The following HLTF variants were observed in gnomAD, a reference collection of about 807,000 sequenced individuals.
HLTF encodes the protein helicase like transcription factor.
A neutral mutation model predicts 129.4 loss-of-function variants in HLTF; 127 were observed. The ratio of observed to expected loss-of-function variants is 0.98; its 90% CI spans 0.85 to 1.14. HLTF has a LOEUF of 1.14. HLTF is among the 50% of genes most tolerant of loss of function. The probability of loss-of-function intolerance (pLI) is 0.00; values close to 1 mark genes in which losing one functional copy is unlikely to be tolerated. For missense variants in HLTF, 1,139 were observed against 1,187.1 expected (o/e 0.96, Z 0.60); for synonymous variants, 332 against 388.8 (o/e 0.85, Z 1.72).
intron 2 of HLTF, among the ~76,000 whole-genome samples, chr3:149,079,452 T>TA (rs1179321941): frequency 8.4e-6 from 1 of 118,884 alleles, no homozygotes; most frequent in Admixed American, 8.6e-5. Context: ...TAATTTTTTG[T>TA]AATTTTTGTC....
chr3:149,059,734 C>CT lies in HLTF; in HGVS notation c.1358dup (p.Lys454GlufsTer17). ...TTTACTGACCCTTTTTCAACATTTT[C>CT]TTTTTTGTTGTAGGAACAGATGAAG... On this transcript the variant is annotated frameshift_variant, in exon 13 of 25. Transcript: ENST00000310053. LOFTEE classifies it high-confidence loss of function. 1.3e-6 allele frequency: 2 copies of CT among 1,591,768 alleles called. No homozygotes were observed. The highest frequency in any genetic ancestry group is 8.5e-7 in the Non-Finnish European group (1 of 1,169,882).
intron 12 of HLTF, among the ~76,000 whole-genome samples, chr3:149,060,144 C>T (rs1332253816): frequency 6.6e-6 from 1 of 152,058 alleles, no homozygotes; most frequent in Non-Finnish European, 1.5e-5. Context: ...GCCAAATTTT[C>T]AGATCAGTCA....
intron 18 of HLTF, 49 bp from the exon 19 acceptor site, chr3:149,042,339 C>T (rs1245261813): frequency 6.8e-7 from 1 of 1,476,514 alleles, no homozygotes; most frequent in Non-Finnish European, 9.3e-7. Context: ...ACAATAATAA[C>T]TTCCTATTCT....
intron 11 of HLTF, 24 bp downstream of exon 11, chr3:149,060,755 C>G (rs1717866891): frequency 1.9e-6 from 3 of 1,606,172 alleles, no homozygotes; most frequent in Non-Finnish European, 2.6e-6. Flanking sequence ...GACACATTAT[C>G]AAATCAAATC....
intron 8 of HLTF, among the ~76,000 whole-genome samples, chr3:149,065,950 A>T (rs1364514561): frequency 3.9e-5 from 6 of 152,218 alleles, no homozygotes. Context: ...CAAACATCCT[A>T]TCAAGTCTAC....
intron 13 of HLTF, 145 bp from the exon 14 acceptor site, chr3:149,055,545 T>C: frequency 1.6e-6 from 1 of 609,332 alleles, no homozygotes; most frequent in East Asian, 2.8e-5. Context: ...AGGGAATAAA[T>C]TTTACCTCAT....
intron 7 of HLTF, 33 bp downstream of exon 7, chr3:149,071,219 T>C (rs1718827385): frequency 2.3e-6 from 3 of 1,315,732 alleles, no homozygotes; most frequent in Non-Finnish European, 2.1e-6. Context: ...ATCACAAAAT[T>C]AGATTTTATT....
intron 23 of HLTF, among the ~76,000 whole-genome samples, chr3:149,036,538 C>T (rs1715649377): frequency 6.6e-6 from 1 of 152,166 alleles, no homozygotes; most frequent in African/African-American, 2.4e-5. Flanking sequence ...CCGCCCACCT[C>T]GGCCTCCCAC....
rs201653124 is a variant in HLTF, at chr3:149,060,784, A to T, written c.1235T>A (p.Met412Lys). The change falls in exon 11 of 25, where the codon ATG (methionine) becomes AAG (lysine). Residue 412 changes from methionine (M) to lysine (K), a missense_variant. Met to Lys is a moderately conservative substitution (Grantham distance 95). Coordinates refer to ENST00000310053, the MANE Select transcript of HLTF (RefSeq NM_003071.4). ...TCAAATCTATTACATGTTACCTTTC[A>T]TTTTCTGCGGCAATTCACTTGTTTC... ...EIETSELPQK[M>K]KGKLKNVQSE... 5.8e-5 allele frequency: 94 copies of T among 1,612,876 alleles called. No individual in the cohort carries two copies. In the East Asian group the frequency reaches 6.5e-4, roughly 11 times the overall value.
chr3:149,042,065 G>C, intron 19 of HLTF, 101 bp downstream of exon 19: 1 of 1,039,254 alleles, frequency 9.6e-7, no homozygotes. Flanking sequence ...CCATTTGACA[G>C]AACAAAATAA....
chr3:149,072,074 T>C (rs1275431468), intron 5 of HLTF, among the ~76,000 whole-genome samples: 1 of 151,996 alleles, frequency 6.6e-6, no homozygotes, highest in African/African-American at 2.4e-5. Context: ...AAATTGAAAT[T>C]AAATTAAATT....
At chr3:149,071,704 A>G (rs1718879569) in intron 5 of HLTF, 47 bp from the exon 6 acceptor site, 9 of 1,117,838 alleles carry the variant, frequency 8.1e-6, no homozygotes, top group Non-Finnish European at 1.2e-5. Context: ...ACTAATTAAA[A>G]TAATACTTGC....
At chr3:149,039,503 G>GTTT in intron 22 of HLTF, 78 bp downstream of exon 22, 22 of 603,250 alleles carry the variant, frequency 3.6e-5, no homozygotes, top group South Asian at 1.2e-4. Context: ...AACAAATTAA[G>GTTT]TTTTTTTTTT....
At position 149,071,332 on chromosome 3, in the gene HLTF, A is replaced by G. The variant is rs758503058; in HGVS notation, c.814T>C (p.Tyr272His). 6.2e-6 allele frequency: 10 copies of G among 1,612,494 alleles called. No individual in the cohort carries two copies. The highest frequency in any genetic ancestry group is 5.0e-5 in the Admixed American group (3 of 59,964). ...TCAGAAAAATTTGTTATTGTGTTAT[A>G]GTATAAGTCATTTCGCTGTTCCCAG... is the stretch of plus-strand genomic sequence containing the variant. Reference protein sequence around the residue: ...PFWEQRNDLYYNTITNFSEKD... With the variant: ...PFWEQRNDLYHNTITNFSEKD... Residue 272 changes from tyrosine to histidine, a missense_variant, in exon 7 of 25, where the codon TAT becomes CAT. Tyr to His is a moderately conservative substitution (Grantham distance 83). Coordinates refer to ENST00000310053, the MANE Select transcript of HLTF (RefSeq NM_003071.4).
At chr3:149,063,030 A>G (rs942850033) in intron 10 of HLTF, 4 of 456,034 alleles carry the variant, frequency 8.8e-6, no homozygotes, top group African/African-American at 8.0e-5. Context: ...TACTTAACAA[A>G]TATAAGGGTC....
At chr3:149,079,960 T>C (rs1719733242) in intron 2 of HLTF, among the ~76,000 whole-genome samples, 1 of 152,106 alleles carries the variant, frequency 6.6e-6, no homozygotes, top group African/African-American at 2.4e-5. Context: ...TAAATTAAGT[T>C]GTTAATTGTA....
chr3:149,042,403 A>C lies in HLTF; in HGVS notation c.2073-113T>G, dbSNP rs1482925070. Reference sequence around the variant, plus strand: ...TTTTCTTCTCTAGAAATTACTCCAAAACAAGAATGAAAAGCAGAAAAGCAA... The same window carrying C: ...TTTTCTTCTCTAGAAATTACTCCAACACAAGAATGAAAAGCAGAAAAGCAA... On this transcript the variant is annotated intron_variant, in intron 18 of 24. Transcript: ENST00000310053. The C allele has an allele frequency of 1.4e-5, 12 of 881,082 alleles. No individual in the cohort carries two copies. In the Middle Eastern group the frequency reaches 9.3e-4, roughly 68 times the overall value. The allele number at this position is 881,082 out of a possible 1,614,324, so 54.6% of individuals were successfully genotyped here.
At chr3:149,056,573 G>T (rs886083827) in intron 13 of HLTF, among the ~76,000 whole-genome samples, 1 of 152,080 alleles carries the variant, frequency 6.6e-6, no homozygotes, top group East Asian at 1.9e-4. Context: ...TCCACTGGGG[G>T]TATGTTCCAA....
Position 149,059,756 on chromosome 3 carries a change from G to A in HLTF, c.1337C>T (p.Ser446Leu), listed in dbSNP as rs1199400307. ...TTTCTTTTTTGTTGTAGGAACAGATGAAGTTAATGCACATGCAAATGCCAC... is the reference window on the plus strand; with the variant it reads ...TTTCTTTTTTGTTGTAGGAACAGATAAAGTTAATGCACATGCAAATGCCAC... ...EDVAFACALT[S>L]SVPTTKKKML... The change falls in exon 13 of 25, where the codon TCA (serine) becomes TTA (leucine). Residue 446 changes from serine to leucine, a missense_variant. Coordinates refer to ENST00000310053, the MANE Select transcript of HLTF (RefSeq NM_003071.4). The A allele has an allele frequency of 1.2e-6, 2 of 1,602,420 alleles. No homozygotes were observed. Among genetic ancestry groups the A allele is most frequent in the South Asian group, 1.1e-5 (1 of 88,138 alleles).
Sources: allele counts gnomAD v4.1 joint callset (sites outside exome capture counted in the v4.1 genomes callset), GRCh38; gene constraint gnomAD v4.1.1; transcripts MANE v1.5; gene names NCBI Gene and HGNC (gene_info 2026-07-23, HGNC 2026-07-21).